CBR4: variants seen among roughly 807,000 people sequenced by gnomAD.
CBR4 encodes the protein 3-oxoacyl-[acyl-carrier-protein] reductase.
In CBR4, 22 loss-of-function variants were observed where a neutral mutation model predicts 21.0. That is an observed-to-expected ratio of 1.05 (90% confidence interval 0.75 to 1.50). The LOEUF is 1.50. Among genes scored for constraint, CBR4 ranks in the 40% most tolerant of loss-of-function variants. The pLI, the probability that CBR4 is intolerant of heterozygous loss-of-function variation, is 0.00. For missense variants in CBR4, 302 were observed against 286.3 expected, an observed-to-expected ratio of 1.05 and a Z score of -0.40; for synonymous variants, 100 against 104.4, an observed-to-expected ratio of 0.96 and a Z score of 0.26.
chr4:168,915,950 T>C (rs1462946425), intron 2 of CBR4: 1 of 1,613,318 alleles, frequency 6.2e-7, no homozygotes, highest in Non-Finnish European at 8.5e-7. Context: ...TCAGGAGCGA[T>C]TCTTCAGACC....
intron 2 of CBR4, chr4:168,914,215 C>A: frequency 1.7e-6 from 1 of 599,406 alleles, no homozygotes; most frequent in South Asian, 2.0e-5. Flanking sequence ...AACAAACATT[C>A]GCTAATGTGT....
chr4:168,961,683 A>C (rs1227000991), intron 2 of CBR4, among the ~76,000 whole-genome samples: 2 of 152,184 alleles, frequency 1.3e-5, no homozygotes, highest in East Asian at 3.9e-4. Context: ...TGAGGTCAGG[A>C]GTTCGCGACC....
At chr4:168,934,864 A>G (rs993625760) in intron 2 of CBR4, among the ~76,000 whole-genome samples, 13 of 152,214 alleles carry the variant, frequency 8.5e-5, no homozygotes, top group African/African-American at 2.9e-4. Context: ...CCAAAACCAG[A>G]TAAGGACATA....
intron 2 of CBR4, among the ~76,000 whole-genome samples, chr4:168,947,017 G>C (rs1393625427): frequency 6.6e-6 from 1 of 151,992 alleles, no homozygotes; most frequent in African/African-American, 2.4e-5. Context: ...TTATTATAAG[G>C]CTAACAATCT....
chr4:168,989,795 T>C lies in CBR4; in HGVS notation c.*355A>G. 4 of 998,216 alleles carry C rather than the reference T, an allele frequency of 4.0e-6. No individual in the cohort carries two copies. Among genetic ancestry groups the C allele is most frequent in the Non-Finnish European group, 4.8e-6 (4 of 838,720 alleles). The allele number at this position is 998,216 out of a possible 1,614,324, so 61.8% of individuals were successfully genotyped here. On this transcript the variant is annotated 3_prime_UTR_variant, in exon 5 of 5. Coordinates refer to ENST00000306193, the MANE Select transcript of CBR4 (RefSeq NM_032783.5). ...AGTCTATGAGGTAACCAAAGGTAAG[T>C]GATACACATCCTTTAGAAAACACAA...
chr4:168,940,506 C>T (rs1183973459), intron 2 of CBR4, among the ~76,000 whole-genome samples: 3 of 151,966 alleles, frequency 2.0e-5, no homozygotes, highest in Admixed American at 1.3e-4. Context: ...AACAGGCAAC[C>T]TACAGAATAG....
chr4:168,951,511 G>C (rs2126703531), intron 2 of CBR4, among the ~76,000 whole-genome samples: 1 of 152,300 alleles, frequency 6.6e-6, no homozygotes, highest in South Asian at 2.1e-4. Flanking sequence ...TATAGGTCCT[G>C]TGAGATTTAT....
At chr4:168,967,873 T>C (rs1764089922) in intron 2 of CBR4, among the ~76,000 whole-genome samples, 1 of 152,216 alleles carries the variant, frequency 6.6e-6, no homozygotes, top group East Asian at 1.9e-4. Context: ...CAATTATTAA[T>C]GCCAGGAAAT....
At chr4:168,916,152 C>T (rs1760040575) in intron 2 of CBR4, 1 of 942,002 alleles carries the variant, frequency 1.1e-6, no homozygotes, top group Admixed American at 1.7e-5. Context: ...GTGGCTCACA[C>T]CTATAATCCC....
intron 2 of CBR4, among the ~76,000 whole-genome samples, chr4:168,919,948 G>A (rs146882912): frequency 1.0e-3 from 157 of 152,228 alleles, no homozygotes; most frequent in African/African-American, 3.4e-3. Flanking sequence ...CACTGGGTAG[G>A]TTCACTGTGA....
intron 2 of CBR4, among the ~76,000 whole-genome samples, chr4:168,956,109 A>G (rs774534805): frequency 6.6e-6 from 1 of 152,236 alleles, no homozygotes; most frequent in African/African-American, 2.4e-5. Context: ...TTTTGTGAAC[A>G]AACCAGAAAT....
At chr4:168,908,301 T>C (rs534808760) in intron 2 of CBR4, among the ~76,000 whole-genome samples, 180 of 152,308 alleles carry the variant, frequency 1.2e-3, no homozygotes, top group South Asian at 2.1e-3. Flanking sequence ...ATTTAAACCA[T>C]GACCAGTGAC....
chr4:168,901,142 T>G (rs1756425658), intron 2 of CBR4, among the ~76,000 whole-genome samples: 1 of 152,256 alleles, frequency 6.6e-6, no homozygotes, highest in Non-Finnish European at 1.5e-5. Context: ...ATTCTCCTTC[T>G]CATTGTTTTC....
chr4:168,979,970 T>C (rs758320072), intron 2 of CBR4, among the ~76,000 whole-genome samples: 2 of 151,996 alleles, frequency 1.3e-5, no homozygotes, highest in Non-Finnish European at 2.9e-5. Flanking sequence ...GAGCCCCCAA[T>C]TCCCCTGCTC....
chr4:168,942,654 C>T (rs1305786081), intron 2 of CBR4, among the ~76,000 whole-genome samples: 1 of 152,034 alleles, frequency 6.6e-6, no homozygotes, highest in Admixed American at 6.6e-5. Context: ...AGCTTGCGCA[C>T]GGCAAAGGAA....
chr4:168,931,776 A>G (rs1220844465), intron 2 of CBR4, among the ~76,000 whole-genome samples: 2 of 152,144 alleles, frequency 1.3e-5, no homozygotes, highest in Non-Finnish European at 2.9e-5. Context: ...AAGCTGCACC[A>G]CCACTGCTAC....
intron 2 of CBR4, among the ~76,000 whole-genome samples, chr4:168,938,462 T>C (rs1763172267): frequency 6.6e-6 from 1 of 151,618 alleles, no homozygotes; most frequent in Non-Finnish European, 1.5e-5. Flanking sequence ...ATAACTAAGA[T>C]CAGAGCAGAA....
Position 168,942,161 on chromosome 4 carries a change from C to T in CBR4, n.170-47396G>A, listed in dbSNP as rs189041910. On this transcript the variant is annotated intron_variant and non_coding_transcript_variant, in intron 2 of 3. Transcript: ENST00000509108. Reference sequence around the variant, plus strand: ...GAAAACCAAACACCACATGTTCTCACTCACAAATGGGAGTCGAACAATAAG... The same window carrying T: ...GAAAACCAAACACCACATGTTCTCATTCACAAATGGGAGTCGAACAATAAG... 9.3e-4 allele frequency among the ~76,000 whole-genome samples: 141 copies of T among 152,048 alleles called. 1 individual carries two copies. Among genetic ancestry groups the T allele is most frequent in the African/African-American group, 3.3e-3 (136 of 41,448 alleles).
At chr4:168,955,077 C>T (rs1763645154) in intron 2 of CBR4, among the ~76,000 whole-genome samples, 1 of 152,114 alleles carries the variant, frequency 6.6e-6, no homozygotes, top group African/African-American at 2.4e-5. Flanking sequence ...CTATCAAATC[C>T]TACATAGTTT....
Sources: allele counts gnomAD v4.1 joint callset (sites outside exome capture counted in the v4.1 genomes callset), GRCh38; gene constraint gnomAD v4.1.1; transcripts MANE v1.5; gene names NCBI Gene and HGNC (gene_info 2026-07-23, HGNC 2026-07-21).